The following PCDHGA7 variants were observed in gnomAD, a reference collection of about 807,000 sequenced individuals.
PCDHGA7 encodes protocadherin gamma subfamily A, 7.
Under a neutral mutation model 58.3 loss-of-function variants are expected in PCDHGA7, and 44 were observed. The ratio of observed to expected loss-of-function variants is 0.75; its 90% CI spans 0.59 to 0.97. The LOEUF (loss-of-function observed/expected upper bound fraction) is 0.97. PCDHGA7 is among the 50% of genes least tolerant of loss of function. The pLI, the probability that PCDHGA7 is intolerant of heterozygous loss-of-function variation, is 0.00. For synonymous variants in PCDHGA7, 516 were observed against 504.2 expected, an observed-to-expected ratio of 1.02 and a Z score of -0.31; for missense variants, 1,266 against 1,188.7, an observed-to-expected ratio of 1.06 and a Z score of -0.96.
At chr5:141,409,471 AG>A in intron 1 of PCDHGA7, 1 of 1,613,978 alleles carries the variant, frequency 6.2e-7, no homozygotes, top group Non-Finnish European at 8.5e-7. Flanking sequence ...TCACCATCGT[AG>A]CCACTGACAG....
chr5:141,414,778 C>G, intron 1 of PCDHGA7: 5 of 1,614,202 alleles, frequency 3.1e-6, no homozygotes, highest in Non-Finnish European at 3.4e-6. Context: ...GCTACAGATG[C>G]AGGTGACAGC....
In PCDHGA7 at chr5:141,410,786, TTCA is replaced by T. The variant is rs1001093749; in HGVS notation, c.2424+25465_2424+25467del. ...ATTATAGTTTTCACTATGTATTTGG[TTCA>T]TAAGTTGCTCTATCTTTTTGTAAAA... On this transcript the variant is annotated intron_variant, in intron 1 of 3. Transcript: ENST00000518325. 39 of 852,378 alleles carry T rather than the reference TTCA, an allele frequency of 4.6e-5. No homozygotes were observed. In the African/African-American group the frequency reaches 6.2e-4, roughly 13 times the overall value. 52.8% of individuals were successfully genotyped at this position (852,378 alleles called of 1,614,324 possible). A position where few individuals can be genotyped will look rare whatever the true frequency, so the allele number is the denominator to read the frequency against.
At chr5:141,499,272 GT>G (rs772636179) in intron 2 of PCDHGA7, among the ~76,000 whole-genome samples, 3 of 152,122 alleles carry the variant, frequency 2.0e-5, no homozygotes, top group Non-Finnish European at 4.4e-5. Flanking sequence ...TCCCTAGACT[GT>G]TCTCTGATGG....
At chr5:141,448,359 CTTTA>C in intron 1 of PCDHGA7, among the ~76,000 whole-genome samples, 1 of 152,074 alleles carries the variant, frequency 6.6e-6, no homozygotes, top group East Asian at 1.9e-4. Context: ...TAGTAGTTTT[CTTTA>C]TTTTATTTTT....
chr5:141,404,894 G>C (rs772084097), intron 1 of PCDHGA7: 1 of 1,613,878 alleles, frequency 6.2e-7, no homozygotes, highest in South Asian at 1.1e-5. Flanking sequence ...GGCTGTACAG[G>C]ACCATGGCCA....
chr5:141,462,125 A>G (rs918645911), intron 1 of PCDHGA7, among the ~76,000 whole-genome samples: 24 of 151,688 alleles, frequency 1.6e-4, no homozygotes, highest in African/African-American at 5.6e-4. Flanking sequence ...ACCCAGTCCA[A>G]TTTTTTGTAT....
At chr5:141,408,303 G>A in intron 1 of PCDHGA7, 3 of 1,613,794 alleles carry the variant, frequency 1.9e-6, no homozygotes, top group Non-Finnish European at 2.5e-6. Flanking sequence ...GAGCCGATCC[G>A]CTACTCGATT....
At chr5:141,458,345 G>A (rs1161535708) in intron 1 of PCDHGA7, among the ~76,000 whole-genome samples, 2 of 152,112 alleles carry the variant, frequency 1.3e-5, no homozygotes, top group Non-Finnish European at 2.9e-5. Context: ...GGAGTGGAGA[G>A]TTTAATAAGC....
intron 1 of PCDHGA7, chr5:141,421,995 C>G (rs750731453): frequency 6.2e-7 from 1 of 1,608,844 alleles, no homozygotes; most frequent in South Asian, 1.1e-5. Context: ...CAGAAAACAT[C>G]AGCTCCGGAA....
chr5:141,511,182 C>A lies in PCDHGA7; in HGVS notation c.*9C>A. ...AGAAGGAGAAGAAGTAACATGGAGG[C>A]CAGGCCAAGAGCCACAGGGCGGCCT... is the stretch of plus-strand genomic sequence containing the variant. On this transcript the variant is annotated 3_prime_UTR_variant, in exon 4 of 4. Transcript: ENST00000518325. 6.2e-7 allele frequency: 1 copy of A among 1,614,022 alleles called. No homozygotes were observed. Among genetic ancestry groups the A allele is most frequent in the Non-Finnish European group, 8.5e-7 (1 of 1,179,946 alleles).
chr5:141,481,026 C>T (rs1315533254), intron 1 of PCDHGA7, among the ~76,000 whole-genome samples: 1 of 152,100 alleles, frequency 6.6e-6, no homozygotes, highest in African/African-American at 2.4e-5. Flanking sequence ...CCACTGCACT[C>T]CAGCCTGGGC....
At chr5:141,495,974 CTCTT>C (rs1562171251) in intron 2 of PCDHGA7, among the ~76,000 whole-genome samples, 2 of 152,032 alleles carry the variant, frequency 1.3e-5, no homozygotes, top group Non-Finnish European at 1.5e-5. Context: ...TTCTCTGTTA[CTCTT>C]TCTTTATCTC....
At chr5:141,508,162 G>A (rs377676571) in intron 3 of PCDHGA7, 4 of 152,502 alleles carry the variant, frequency 2.6e-5, no homozygotes, top group African/African-American at 9.7e-5. Context: ...CCTGAGTAGA[G>A]GCTGGCACAG....
Position 141,487,333 on chromosome 5 carries a change from C to T in PCDHGA7, c.2425-7474C>T. 6.2e-7 allele frequency: 1 copy of T among 1,614,176 alleles called. No homozygotes were observed. The highest frequency in any genetic ancestry group is 8.5e-7 in the Non-Finnish European group (1 of 1,180,022). On this transcript the variant is annotated intron_variant, in intron 1 of 3. Transcript: ENST00000518325. The surrounding 1 kb of genome is among the most constrained non-coding windows in gnomAD (Gnocchi z 5.0). ...TCTCTAAGTGTCTTCGTGGGGCAGC[C>T]TGTGGAGTCACATGCTTTCCTGCTG...
intron 1 of PCDHGA7, chr5:141,409,940 C>G: frequency 6.2e-7 from 1 of 1,613,236 alleles, no homozygotes. Flanking sequence ...TATGGTACCT[C>G]GCTCTGCAGA....
At chr5:141,385,374 T>A in intron 1 of PCDHGA7, 51 bp downstream of exon 1, 1 of 1,523,876 alleles carries the variant, frequency 6.6e-7, no homozygotes, top group Non-Finnish European at 8.8e-7. Context: ...TGCATGATAT[T>A]TCTCTATTAT....
At chr5:141,460,842 C>T (rs1339558359) in intron 1 of PCDHGA7, among the ~76,000 whole-genome samples, 2 of 150,412 alleles carry the variant, frequency 1.3e-5, no homozygotes, top group African/African-American at 2.4e-5. Flanking sequence ...GTAATGGCCT[C>T]CAGTTCGATC....
At chr5:141,501,238 G>A (rs1482962385) in intron 2 of PCDHGA7, among the ~76,000 whole-genome samples, 2 of 151,018 alleles carry the variant, frequency 1.3e-5, no homozygotes, top group African/African-American at 4.9e-5. Flanking sequence ...AGTTTTTTGA[G>A]CATGATGTAG....
intron 1 of PCDHGA7, among the ~76,000 whole-genome samples, chr5:141,435,227 G>T (rs1461159947): frequency 1.3e-5 from 2 of 152,030 alleles, no homozygotes; most frequent in African/African-American, 4.8e-5. Context: ...TTCTTTCAAA[G>T]TTCAGTAATT....
Sources: allele counts gnomAD v4.1 joint callset (sites outside exome capture counted in the v4.1 genomes callset), GRCh38; gene constraint gnomAD v4.1.1; non-coding constraint Gnocchi (gnomAD v3.1); transcripts MANE v1.5; gene names NCBI Gene and HGNC (gene_info 2026-07-23, HGNC 2026-07-21).